Variants in HMCN1 observed in about 807,000 individuals in gnomAD.
HMCN1 encodes the protein hemicentin 1, also known as hemicentin-1.
HMCN1 carries 321 observed loss-of-function variants against 625.9 expected under a neutral mutation model. The observed-to-expected ratio is 0.51, with a 90% confidence interval of 0.47 to 0.56. The LOEUF (loss-of-function observed/expected upper bound fraction) is 0.56. Among genes scored for constraint, HMCN1 ranks in the 20% least tolerant of loss-of-function variants. The pLI is 0.00. For missense variants in HMCN1, 6,588 were observed against 6,887.3 expected (o/e 0.96, Z 1.54); for synonymous variants, 2,425 against 2,417.6 (o/e 1.00, Z -0.09).
At chr1:186,049,443 G>A (rs930726539) in intron 42 of HMCN1, among the ~76,000 whole-genome samples, 2 of 150,302 alleles carry the variant, frequency 1.3e-5, no homozygotes, top group Non-Finnish European at 3.0e-5. Flanking sequence ...TTATTCACTC[G>A]TGTGGTGGGA....
rs138035125 is a variant in HMCN1 at position 186,122,588 on chromosome 1, C to T, written c.12230-363C>T. Among the ~76,000 whole-genome samples the T allele has an allele frequency of 1.5e-3, 229 of 152,216 alleles. 2 individuals carry two copies. Among genetic ancestry groups the T allele is most frequent in the African/African-American group, 5.2e-3 (215 of 41,538 alleles). On this transcript the variant is annotated intron_variant, in intron 80 of 106. Transcript: ENST00000271588. ...CAGTTGAATATTTTCCAAAACCTGG[C>T]GTTCATTTTGGAAGTTTAAATACCT...
intron 1 of HMCN1, among the ~76,000 whole-genome samples, chr1:185,784,126 C>T (rs1166377306): frequency 6.6e-6 from 1 of 152,230 alleles, no homozygotes; most frequent in Non-Finnish European, 1.5e-5. Flanking sequence ...ATGAGCAAGG[C>T]TCTGTGGGCG....
chr1:185,764,881 T>C (rs1655768798), intron 1 of HMCN1, among the ~76,000 whole-genome samples: 1 of 152,218 alleles, frequency 6.6e-6, no homozygotes. Flanking sequence ...TGATACTTCT[T>C]AGAGGTGTCA....
In HMCN1 at chr1:185,773,574, G is replaced by C. The variant is rs114987016; in HGVS notation, c.268+38527G>C. 9.6e-3 allele frequency among the ~76,000 whole-genome samples: 1,454 copies of C among 152,176 alleles called. 33 individuals are homozygous for C. Among genetic ancestry groups the C allele is most frequent in the African/African-American group, 0.032 (1,317 of 41,532 alleles). On this transcript the variant is annotated intron_variant, in intron 1 of 106. Coordinates refer to ENST00000271588, the MANE Select transcript of HMCN1 (RefSeq NM_031935.3). ...GAACCAAGGAAAATGCAGAGAAAAG[G>C]GTTCAGGGCTTTGATGTACATTTCA...
At chr1:186,183,309 T>C (rs1420292019) in intron 105 of HMCN1, among the ~76,000 whole-genome samples, 1 of 152,112 alleles carries the variant, frequency 6.6e-6, no homozygotes, top group Non-Finnish European at 1.5e-5. Context: ...AAAACCAAGG[T>C]GGACAATGGC....
At chr1:186,148,003 T>C (rs1650428491) in intron 93 of HMCN1, among the ~76,000 whole-genome samples, 1 of 152,202 alleles carries the variant, frequency 6.6e-6, no homozygotes, top group South Asian at 2.1e-4. Flanking sequence ...GACAATGCTG[T>C]TAAATAGCAC....
intron 1 of HMCN1, among the ~76,000 whole-genome samples, chr1:185,780,824 C>G (rs1007706619): frequency 3.3e-5 from 5 of 152,066 alleles, no homozygotes; most frequent in Admixed American, 2.6e-4. Context: ...TTTGTTGTGT[C>G]TCTGCCAGGC....
At chr1:185,918,130 A>G (rs545944521) in intron 6 of HMCN1, among the ~76,000 whole-genome samples, 35 of 152,314 alleles carry the variant, frequency 2.3e-4, no homozygotes, top group African/African-American at 8.2e-4. Context: ...AAGTCCCACA[A>G]TAGGCCATCT....
intron 1 of HMCN1, among the ~76,000 whole-genome samples, chr1:185,819,536 T>A (rs1198329902): frequency 6.6e-6 from 1 of 152,178 alleles, no homozygotes; most frequent in Non-Finnish European, 1.5e-5. Context: ...AAAATATAAG[T>A]TAGTCAGAAA....
In HMCN1 at chr1:185,891,369, T is replaced by G. The variant is rs1225761396; in HGVS notation, c.622-17968T>G. Among the ~76,000 whole-genome samples the G allele has an allele frequency of 4.1e-5, 6 of 147,286 alleles. No homozygotes were observed. In the South Asian group the frequency reaches 1.0e-3, roughly 26 times the overall value. On this transcript the variant is annotated intron_variant, in intron 4 of 106. Transcript: ENST00000271588. ...TCCTGTCATTATGATGTTAGCTGGT[T>G]ATTTTGCTCGTTAGTTGATGCAGTT... is the stretch of plus-strand genomic sequence containing the variant.
At chr1:186,004,150 T>C (rs116710146) in intron 29 of HMCN1, among the ~76,000 whole-genome samples, 2,275 of 152,250 alleles carry the variant, frequency 0.015, 31 homozygotes, top group South Asian at 0.039. Context: ...CATGAGATGA[T>C]TTTCTGTTTA....
At chr1:186,076,726 T>A in intron 54 of HMCN1, 104 bp downstream of exon 54, 3 of 1,126,966 alleles carry the variant, frequency 2.7e-6, no homozygotes, top group Non-Finnish European at 4.0e-6. Flanking sequence ...CTAAGTAATT[T>A]AACTGGCAGT....
At chr1:185,902,847 A>G (rs1381197994) in intron 4 of HMCN1, among the ~76,000 whole-genome samples, 1 of 151,604 alleles carries the variant, frequency 6.6e-6, no homozygotes, top group African/African-American at 2.4e-5. Flanking sequence ...GTATCTATGT[A>G]TTTTTATAAC....
At chr1:186,186,979 TTCTCTG>T (rs1369114941) in intron 105 of HMCN1, among the ~76,000 whole-genome samples, 3 of 109,094 alleles carry the variant, frequency 2.7e-5, no homozygotes, top group African/African-American at 7.5e-5. Context: ...CAATCTCACA[TTCTCTG>T]TCTCTGTCTC....
In HMCN1 at chr1:185,970,479, C is replaced by A. The variant is rs1159635270; in HGVS notation, c.2357C>A (p.Thr786Asn). The A allele has an allele frequency of 6.2e-7, 1 of 1,613,676 alleles. No individual in the cohort carries two copies. The highest frequency in any genetic ancestry group is 8.5e-7 in the Non-Finnish European group (1 of 1,179,606). Residue 786 changes from threonine (T) to asparagine (N), a missense_variant, in exon 15 of 107, where the codon ACT becomes AAT. Thr to Asn is a moderately conservative substitution (Grantham distance 65). This residue lies in a region of HMCN1 where 4,628 missense variants were observed against 4,853.1 expected (regional missense o/e 0.95). Transcript: ENST00000271588. ...GCTGGAAGAGCAACTGGCAAGATAA[C>A]TCTGGATGTTGGCTGTAAGCCTCCA... ...NEAGRATGKITLDVGSPPVFI... is the reference protein window; with the variant it reads ...NEAGRATGKINLDVGSPPVFI...
At chr1:185,809,218 C>T (rs1659361264) in intron 1 of HMCN1, among the ~76,000 whole-genome samples, 1 of 152,070 alleles carries the variant, frequency 6.6e-6, no homozygotes, top group Non-Finnish European at 1.5e-5. Flanking sequence ...AGACTAAGGT[C>T]ATTTTCTGGA....
At chr1:186,061,729 C>CA (rs1443481337) in intron 46 of HMCN1, 122 bp from the exon 47 acceptor site, 3 of 513,606 alleles carry the variant, frequency 5.8e-6, no homozygotes, top group Non-Finnish European at 1.0e-5. Context: ...AACATAAATT[C>CA]ATTTTAAGGG....
chr1:186,154,136 T>C, intron 97 of HMCN1, 149 bp downstream of exon 97: 1 of 694,426 alleles, frequency 1.4e-6, no homozygotes, highest in South Asian at 1.7e-5. Flanking sequence ...TAAAGCCCTA[T>C]GGAAAAGCCA....
intron 1 of HMCN1, among the ~76,000 whole-genome samples, chr1:185,808,213 G>C (rs534326047): frequency 1.7e-4 from 26 of 152,106 alleles, no homozygotes; most frequent in Non-Finnish European, 3.2e-4. Context: ...CAAGTGTGGT[G>C]GTGTGCGCCT....
Sources: allele counts gnomAD v4.1 joint callset (sites outside exome capture counted in the v4.1 genomes callset), GRCh38; gene constraint gnomAD v4.1.1; regional missense constraint gnomAD v4.1.1; transcripts MANE v1.5; gene names NCBI Gene and HGNC (gene_info 2026-07-23, HGNC 2026-07-21).